Variants in FHOD3 observed in about 807,000 individuals in gnomAD.
FHOD3 encodes FH1/FH2 domain-containing protein 3.
FHOD3 carries 90 observed loss-of-function variants against 173.0 expected under a neutral mutation model. That is an observed-to-expected ratio of 0.52 (90% CI 0.44 to 0.62). FHOD3 has a LOEUF of 0.62. Among genes scored for constraint, FHOD3 ranks in the 20% least tolerant of loss-of-function variants. The probability of loss-of-function intolerance (pLI) is 0.00; values close to 1 mark genes in which losing one functional copy is unlikely to be tolerated. For synonymous variants in FHOD3, 828 were observed against 823.0 expected, an observed-to-expected ratio of 1.01 and a Z score of -0.10; for missense variants, 1,945 against 2,034.7, an observed-to-expected ratio of 0.96 and a Z score of 0.85.
intron 10 of FHOD3, among the ~76,000 whole-genome samples, chr18:36,636,072 C>T (rs2148914630): frequency 6.6e-6 from 1 of 152,294 alleles, no homozygotes; most frequent in South Asian, 2.1e-4. Flanking sequence ...GAATCTTTTA[C>T]TTGCTTTGGG....
At chr18:36,530,114 C>T (rs2056718955) in intron 5 of FHOD3, among the ~76,000 whole-genome samples, 1 of 152,198 alleles carries the variant, frequency 6.6e-6, no homozygotes, top group African/African-American at 2.4e-5. Context: ...CTGTTAATGA[C>T]TTCCCTTATC....
At chr18:36,716,050 G>A (rs189726162) in intron 18 of FHOD3, among the ~76,000 whole-genome samples, 1 of 152,200 alleles carries the variant, frequency 6.6e-6, no homozygotes, top group Admixed American at 6.5e-5. Flanking sequence ...AAGGATCATG[G>A]AAGGCCTTGT....
chr18:36,514,700 C>T (rs1036592913), intron 5 of FHOD3, among the ~76,000 whole-genome samples: 1 of 152,220 alleles, frequency 6.6e-6, no homozygotes, highest in South Asian at 2.1e-4. Context: ...TGTTTATCCT[C>T]ATTCTTCTGA....
intron 5 of FHOD3, among the ~76,000 whole-genome samples, chr18:36,549,543 T>TC (rs1484240304): frequency 7.4e-6 from 1 of 134,680 alleles, no homozygotes; most frequent in Non-Finnish European, 1.6e-5. Context: ...TTTTTTTTTT[T>TC]TTTTTTTTTT....
rs145020905 is a variant in FHOD3, at chr18:36,344,441, G to A, written c.166-11098G>A. Among the ~76,000 whole-genome samples, 741 of 152,182 alleles carry A rather than the reference G, an allele frequency of 4.9e-3. 10 individuals are homozygous for A. The highest frequency in any genetic ancestry group is 0.039 in the South Asian group (188 of 4,818). ...AAAAAGGTATAAATCATATTAAAGT[G>A]GTCTAGTGTCCTTAACATTGTCTGA... On this transcript the variant is annotated intron_variant, in intron 1 of 28. Transcript: ENST00000590592.
chr18:36,772,524 C>G (rs2043430794), intron 28 of FHOD3, among the ~76,000 whole-genome samples: 1 of 152,248 alleles, frequency 6.6e-6, no homozygotes. Flanking sequence ...GGAAACAAAA[C>G]AGAATCCATC....
At chr18:36,525,290 A>G (rs1406442358) in intron 5 of FHOD3, among the ~76,000 whole-genome samples, 3 of 152,338 alleles carry the variant, frequency 2.0e-5, no homozygotes, top group Non-Finnish European at 2.9e-5. Flanking sequence ...TCTAGAAGTC[A>G]AAGACTTCTG....
intron 25 of FHOD3, among the ~76,000 whole-genome samples, chr18:36,756,440 C>T (rs1304192065): frequency 6.6e-6 from 1 of 152,206 alleles, no homozygotes; most frequent in Non-Finnish European, 1.5e-5. Context: ...GATTAAGCCA[C>T]AGGGCGTGCC....
chr18:36,387,915 T>G (rs1598928542), intron 3 of FHOD3, among the ~76,000 whole-genome samples: 2 of 152,034 alleles, frequency 1.3e-5, no homozygotes, highest in East Asian at 3.9e-4. Flanking sequence ...GTTCCTCTCT[T>G]GTGGAGAGGT....
At chr18:36,455,195 A>G (rs1335144733) in intron 3 of FHOD3, among the ~76,000 whole-genome samples, 2 of 152,144 alleles carry the variant, frequency 1.3e-5, no homozygotes, top group Admixed American at 1.3e-4. Flanking sequence ...TCCAGCATAT[A>G]CTTACAGTAA....
chr18:36,690,198 C>T (rs906388690), intron 16 of FHOD3, among the ~76,000 whole-genome samples: 4 of 152,144 alleles, frequency 2.6e-5, no homozygotes, highest in Non-Finnish European at 5.9e-5. Flanking sequence ...GTGCCCACTA[C>T]AGTTCTTGGC....
chr18:36,751,441 T>C (rs2042397576), intron 24 of FHOD3, among the ~76,000 whole-genome samples: 1 of 152,246 alleles, frequency 6.6e-6, no homozygotes, highest in Non-Finnish European at 1.5e-5. Context: ...TTTGACTTTC[T>C]CTCATCCTAT....
At chr18:36,649,191 T>A (rs558026411) in intron 10 of FHOD3, 125 bp from the exon 11 acceptor site, 97 of 628,176 alleles carry the variant, frequency 1.5e-4, no homozygotes, top group Middle Eastern at 8.8e-4. Context: ...TTTTTTTTTT[T>A]AATTATTATT....
At chr18:36,558,091 A>C (rs952618272) in intron 5 of FHOD3, among the ~76,000 whole-genome samples, 2 of 152,156 alleles carry the variant, frequency 1.3e-5, no homozygotes, top group African/African-American at 4.8e-5. Context: ...TGACTGAAGT[A>C]CATTCCTGCA....
intron 1 of FHOD3, 111 bp downstream of exon 1, chr18:36,298,111 C>A: frequency 1.0e-6 from 1 of 994,982 alleles, no homozygotes; most frequent in Non-Finnish European, 1.4e-6. Context: ...TGGGCGCGGC[C>A]CGGGGGGACC....
chr18:36,496,704 G>A (rs555999431), intron 3 of FHOD3, among the ~76,000 whole-genome samples: 58 of 152,146 alleles, frequency 3.8e-4, no homozygotes, highest in Admixed American at 6.5e-4. Flanking sequence ...TGATGATGAC[G>A]CTAGTATTGC....
chr18:36,378,005 C>T (rs550207841), intron 3 of FHOD3, among the ~76,000 whole-genome samples: 1 of 152,218 alleles, frequency 6.6e-6, no homozygotes. Context: ...ATCATGGTGG[C>T]TAAGCTCACA....
intron 5 of FHOD3, among the ~76,000 whole-genome samples, chr18:36,536,408 G>A (rs1256414620): frequency 6.6e-6 from 1 of 152,188 alleles, no homozygotes; most frequent in African/African-American, 2.4e-5. Context: ...GTGACTTCCT[G>A]TCATTAACAA....
chr18:36,517,403 T>C (rs2056049646), intron 5 of FHOD3, among the ~76,000 whole-genome samples: 1 of 152,172 alleles, frequency 6.6e-6, no homozygotes, highest in African/African-American at 2.4e-5. Flanking sequence ...TTGAAGCAGG[T>C]CCCTGTGGGG....
Sources: allele counts gnomAD v4.1 joint callset (sites outside exome capture counted in the v4.1 genomes callset), GRCh38; gene constraint gnomAD v4.1.1; transcripts MANE v1.5; gene names NCBI Gene and HGNC (gene_info 2026-07-23, HGNC 2026-07-21).